Variants in AGBL4 observed in about 807,000 individuals in gnomAD.
AGBL4 encodes AGBL carboxypeptidase 4.
Under a neutral mutation model 66.4 loss-of-function variants are expected in AGBL4, and 58 were observed. That is an observed-to-expected ratio of 0.87 (90% CI 0.71 to 1.09). The LOEUF (loss-of-function observed/expected upper bound fraction) is 1.09. Among genes scored for constraint, AGBL4 ranks in the 50% least tolerant of loss-of-function variants. The pLI, the probability that AGBL4 is intolerant of heterozygous loss-of-function variation, is 0.00. For missense variants in AGBL4, 579 were observed against 631.0 expected (o/e 0.92, Z 0.88); for synonymous variants, 234 against 222.9 (o/e 1.05, Z -0.44).
chr1:49,938,380 G>T (rs1039695210), intron 1 of AGBL4, among the ~76,000 whole-genome samples: 1 of 152,124 alleles, frequency 6.6e-6, no homozygotes, highest in Admixed American at 6.6e-5. Context: ...AAATAGTCCA[G>T]GACCAGATGG....
At chr1:49,304,577 C>T (rs1644816196) in intron 3 of AGBL4, among the ~76,000 whole-genome samples, 1 of 151,888 alleles carries the variant, frequency 6.6e-6, no homozygotes, top group African/African-American at 2.4e-5. Context: ...TTATCAATGC[C>T]CAACTATGCC....
intron 6 of AGBL4, among the ~76,000 whole-genome samples, chr1:48,865,819 C>T (rs879533951): frequency 1.3e-5 from 2 of 152,054 alleles, no homozygotes; most frequent in Non-Finnish European, 2.9e-5. Flanking sequence ...TGGAGTAGAA[C>T]AGGATGCAAT....
At chr1:49,642,597 A>G (rs921718349) in intron 3 of AGBL4, among the ~76,000 whole-genome samples, 1 of 151,992 alleles carries the variant, frequency 6.6e-6, no homozygotes, top group African/African-American at 2.4e-5. Context: ...CCTCAGAAAG[A>G]AGCACCAAAA....
chr1:49,104,738 T>C (rs572385265), intron 4 of AGBL4, among the ~76,000 whole-genome samples: 1 of 152,156 alleles, frequency 6.6e-6, no homozygotes, highest in Non-Finnish European at 1.5e-5. Flanking sequence ...TCTCCTATAA[T>C]ACATCACTCT....
intron 5 of AGBL4, among the ~76,000 whole-genome samples, chr1:48,929,562 T>G (rs1654868559): frequency 6.6e-6 from 1 of 152,228 alleles, no homozygotes; most frequent in African/African-American, 2.4e-5. Flanking sequence ...TCATGGCAAC[T>G]TGTATGGCTT....
intron 4 of AGBL4, among the ~76,000 whole-genome samples, chr1:49,205,378 C>T (rs354167): frequency 0.31 from 47,548 of 151,822 alleles, 8,184 homozygotes; most frequent in East Asian, 0.72. Context: ...TCTCACTTAA[C>T]GGTCTTGTTC....
intron 3 of AGBL4, among the ~76,000 whole-genome samples, chr1:49,607,959 A>G (rs1645089935): frequency 6.6e-6 from 1 of 152,160 alleles, no homozygotes; most frequent in African/African-American, 2.4e-5. Flanking sequence ...ATAATAGGGG[A>G]GAAGTGAGAC....
intron 1 of AGBL4, among the ~76,000 whole-genome samples, chr1:49,877,316 A>G (rs991669510): frequency 6.6e-6 from 1 of 151,542 alleles, no homozygotes; most frequent in African/African-American, 2.4e-5. Context: ...AGCTCTTATT[A>G]TTTTGAAATA....
At chr1:49,814,918 G>A (rs1336957282) in intron 2 of AGBL4, among the ~76,000 whole-genome samples, 1 of 152,000 alleles carries the variant, frequency 6.6e-6, no homozygotes, top group Non-Finnish European at 1.5e-5. Context: ...TATTTATGGG[G>A]TATATCAGAT....
chr1:49,388,261 C>A (rs1353415734), intron 3 of AGBL4, among the ~76,000 whole-genome samples: 1 of 151,956 alleles, frequency 6.6e-6, no homozygotes, highest in East Asian at 1.9e-4. Flanking sequence ...GGCTTATAGG[C>A]CATAGAGTGT....
At chr1:49,526,152 C>A (rs1431549783) in intron 3 of AGBL4, among the ~76,000 whole-genome samples, 1 of 151,886 alleles carries the variant, frequency 6.6e-6, no homozygotes, top group Non-Finnish European at 1.5e-5. Context: ...TTAGCAATTG[C>A]TCAATAAACA....
At position 49,911,389 on chromosome 1, in the gene AGBL4, G is replaced by A. The variant is rs1436271087; in HGVS notation, c.35-59871C>T. On this transcript the variant is annotated intron_variant, in intron 1 of 13. Coordinates refer to ENST00000371839, the MANE Select transcript of AGBL4 (RefSeq NM_032785.4). The stretch of plus-strand genomic sequence containing the variant: ...CTACAGATGGTGGAATAAACGGCAG[G>A]CAAGTTCAAAATCACATATAGTCAT... Among the ~76,000 whole-genome samples, 3 of 152,176 alleles carry A rather than the reference G, an allele frequency of 2.0e-5. No homozygotes were observed. In the East Asian group the frequency reaches 5.8e-4, roughly 29 times the overall value.
At chr1:49,468,210 A>C (rs1243534804) in intron 3 of AGBL4, among the ~76,000 whole-genome samples, 1 of 151,814 alleles carries the variant, frequency 6.6e-6, no homozygotes, top group Non-Finnish European at 1.5e-5. Flanking sequence ...TCCTGAAACC[A>C]ATCCATGAAA....
chr1:49,414,659 A>T (rs116719088), intron 3 of AGBL4, among the ~76,000 whole-genome samples: 3,367 of 152,266 alleles, frequency 0.022, 131 homozygotes, highest in African/African-American at 0.077. Flanking sequence ...AGTGGTGCTC[A>T]TCTTTAAGAA....
chr1:48,734,095 T>C (rs1316522163), intron 6 of AGBL4, among the ~76,000 whole-genome samples: 3 of 152,134 alleles, frequency 2.0e-5, no homozygotes, highest in African/African-American at 7.2e-5. Context: ...TTTCTCAGGG[T>C]GACCTCCCAA....
chr1:49,011,436 C>A (rs1334159092), intron 5 of AGBL4, among the ~76,000 whole-genome samples: 2 of 152,176 alleles, frequency 1.3e-5, no homozygotes, highest in East Asian at 3.9e-4. Flanking sequence ...GTTGGTGGGA[C>A]TGTAAACTAG....
At chr1:49,761,928 A>G (rs979427259) in intron 2 of AGBL4, among the ~76,000 whole-genome samples, 6 of 152,154 alleles carry the variant, frequency 3.9e-5, no homozygotes, top group Non-Finnish European at 7.3e-5. Flanking sequence ...TTAAGGCTAA[A>G]TAGTATTCTA....
intron 3 of AGBL4, among the ~76,000 whole-genome samples, chr1:49,301,042 G>A (rs1644735904): frequency 6.6e-6 from 1 of 152,174 alleles, no homozygotes; most frequent in Non-Finnish European, 1.5e-5. Flanking sequence ...CAAGGAGCAT[G>A]TCTTGTTTGT....
intron 4 of AGBL4, among the ~76,000 whole-genome samples, chr1:49,069,156 A>C (rs1644550298): frequency 1.3e-5 from 2 of 152,134 alleles, no homozygotes. Flanking sequence ...GCTAGATTGC[A>C]AAAATTTTCT....
Sources: gnomAD v4.1 joint callset for allele counts (sites outside exome capture counted in the v4.1 genomes callset) on GRCh38, gnomAD v4.1.1 for gene constraint, MANE v1.5 for transcripts, NCBI Gene and HGNC (gene_info 2026-07-23, HGNC 2026-07-21) for gene names.